RAB3IP: variants seen among roughly 807,000 people sequenced by gnomAD.
RAB3IP encodes RAB3A interacting protein.
In RAB3IP, 36 loss-of-function variants were observed where a neutral mutation model predicts 59.1. The observed-to-expected ratio is 0.61, with a 90% CI of 0.47 to 0.80. The LOEUF is 0.80. RAB3IP is among the 30% of genes least tolerant of loss of function. The pLI is 0.00. For synonymous variants in RAB3IP, 207 were observed against 191.2 expected, an observed-to-expected ratio of 1.08 and a Z score of -0.68; for missense variants, 511 against 536.0, an observed-to-expected ratio of 0.95 and a Z score of 0.46.
intron 8 of RAB3IP, among the ~76,000 whole-genome samples, chr12:69,809,792 T>C (rs1034150962): frequency 3.3e-5 from 5 of 152,182 alleles, no homozygotes; most frequent in African/African-American, 1.2e-4. Context: ...ATTCTAGTTA[T>C]CCATTCGTCT....
At chr12:69,801,860 A>T in intron 8 of RAB3IP, 139 bp downstream of exon 8, 1 of 519,242 alleles carries the variant, frequency 1.9e-6, no homozygotes, top group Non-Finnish European at 3.4e-6. Context: ...GCCTAGCCCA[A>T]AGACAAATTC....
intron 10 of RAB3IP, among the ~76,000 whole-genome samples, chr12:69,815,015 C>T (rs1485797738): frequency 1.3e-5 from 2 of 152,020 alleles, no homozygotes; most frequent in Non-Finnish European, 1.5e-5. Flanking sequence ...CAAGAAGATT[C>T]GTAAGTTAGA....
chr12:69,813,804 TCTTG>T (rs1227525361), intron 10 of RAB3IP, among the ~76,000 whole-genome samples: 1 of 152,182 alleles, frequency 6.6e-6, no homozygotes, highest in Non-Finnish European at 1.5e-5. Flanking sequence ...GAAAATATTA[TCTTG>T]CTTAAACACT....
At chr12:69,773,421 T>TTTA (rs1448050808) in intron 3 of RAB3IP, among the ~76,000 whole-genome samples, 1 of 129,346 alleles carries the variant, frequency 7.7e-6, no homozygotes, top group Non-Finnish European at 1.6e-5. Flanking sequence ...TTTTTTTTTT[T>TTTA]TTATTATACT....
rs182165282 is a variant in RAB3IP, at chr12:69,795,074, C to T, written c.685-67C>T. 8.5e-4 allele frequency: 974 copies of T among 1,143,720 alleles called. 3 individuals are homozygous for T. In the African/African-American group the frequency reaches 0.013, roughly 16 times the overall value. 70.8% of individuals were successfully genotyped at this position (1,143,720 alleles called of 1,614,324 possible). On this transcript the variant is annotated intron_variant, in intron 5 of 10. Transcript: ENST00000247833. Reference sequence around the variant, plus strand: ...CTTTGAAAGTGTTTTGACCAGATTGCTAATATTTAGCTGCATATGTCATGA... The same window carrying T: ...CTTTGAAAGTGTTTTGACCAGATTGTTAATATTTAGCTGCATATGTCATGA...
rs1373293694 is a variant in RAB3IP at position 69,819,365 on chromosome 12, CAG to C, written c.*3921_*3922del. ...AGTTTGGGTATGTGCATAACAGAGACAGAAATTCAGTGTTTGACAGATCAAGT... is the reference window on the plus strand; with the variant it reads ...AGTTTGGGTATGTGCATAACAGAGACAAATTCAGTGTTTGACAGATCAAGT... On this transcript the variant is annotated 3_prime_UTR_variant, in exon 11 of 11. Transcript: ENST00000247833. 6.7e-6 allele frequency: 1 copy of C among 150,338 alleles called. No individual in the cohort carries two copies. The highest frequency in any genetic ancestry group is 1.5e-5 in the Non-Finnish European group (1 of 67,270). 9.3% of individuals were successfully genotyped at this position (150,338 alleles called of 1,614,324 possible). A position where few individuals can be genotyped will look rare whatever the true frequency, so the allele number is the denominator to read the frequency against.
In RAB3IP at chr12:69,818,665, CAG is replaced by C. The variant is rs1881392018; in HGVS notation, c.*3221_*3222del. On this transcript the variant is annotated 3_prime_UTR_variant, in exon 11 of 11. Transcript: ENST00000247833. Reference sequence around the variant, plus strand: ...ACCAGCTACTTGCAGCACAATAACTCAGAATGAAAAAGCAATTCTGAGAAAAC... The same window carrying C: ...ACCAGCTACTTGCAGCACAATAACTCAATGAAAAAGCAATTCTGAGAAAAC... The C allele has an allele frequency of 6.6e-6, 1 of 152,094 alleles. No individual in the cohort carries two copies. The highest frequency in any genetic ancestry group is 1.5e-5 in the Non-Finnish European group (1 of 68,012). 9.4% of individuals were successfully genotyped at this position (152,094 alleles called of 1,614,324 possible).
chr12:69,747,640 C>T (rs1868545108), intron 1 of RAB3IP, among the ~76,000 whole-genome samples: 1 of 152,162 alleles, frequency 6.6e-6, no homozygotes, highest in South Asian at 2.1e-4. Context: ...AGACTTAGAT[C>T]TTCAGGTCAC....
chr12:69,753,982 T>C (rs1869756105), intron 1 of RAB3IP, among the ~76,000 whole-genome samples: 1 of 152,126 alleles, frequency 6.6e-6, no homozygotes, highest in African/African-American at 2.4e-5. Context: ...GGCTGGGCTA[T>C]GATAATTCAA....
At chr12:69,808,188 T>C (rs892649224) in intron 8 of RAB3IP, among the ~76,000 whole-genome samples, 1 of 152,240 alleles carries the variant, frequency 6.6e-6, no homozygotes, top group Non-Finnish European at 1.5e-5. Flanking sequence ...AGTTTCCATG[T>C]AGTTGAGCAG....
intron 1 of RAB3IP, chr12:69,739,973 A>G: frequency 1.8e-6 from 2 of 1,091,410 alleles, no homozygotes; most frequent in East Asian, 2.5e-5. Context: ...CCTGTTATAC[A>G]CTCTCCTGTT....
At chr12:69,786,994 A>C (rs1412889885) in intron 4 of RAB3IP, among the ~76,000 whole-genome samples, 1 of 152,156 alleles carries the variant, frequency 6.6e-6, no homozygotes. Context: ...AAAGCGCTCA[A>C]AGTTTTTATT....
chr12:69,748,170 T>G (rs1332662911), intron 1 of RAB3IP, among the ~76,000 whole-genome samples: 1 of 152,056 alleles, frequency 6.6e-6, no homozygotes, highest in Non-Finnish European at 1.5e-5. Context: ...ATGGATTTTA[T>G]TTTTTCTTTT....
At chr12:69,810,894 T>C (rs544008111) in intron 8 of RAB3IP, among the ~76,000 whole-genome samples, 1 of 152,194 alleles carries the variant, frequency 6.6e-6, no homozygotes, top group Non-Finnish European at 1.5e-5. Flanking sequence ...ATTAATGTAG[T>C]GTAGCATGTT....
At chr12:69,745,573 C>T (rs555061056) in intron 1 of RAB3IP, among the ~76,000 whole-genome samples, 27 of 152,216 alleles carry the variant, frequency 1.8e-4, no homozygotes, top group African/African-American at 5.8e-4. Flanking sequence ...ATTTCAATAG[C>T]AGTGCTTTAG....
At chr12:69,809,702 G>C (rs1302345778) in intron 8 of RAB3IP, among the ~76,000 whole-genome samples, 1 of 152,126 alleles carries the variant, frequency 6.6e-6, no homozygotes, top group African/African-American at 2.4e-5. Context: ...CGGTTACTGA[G>C]GCTTGTGCAT....
chr12:69,771,059 T>C (rs1412999132), intron 3 of RAB3IP, among the ~76,000 whole-genome samples: 1 of 152,230 alleles, frequency 6.6e-6, no homozygotes. Context: ...GCTCTACTTC[T>C]ATGAGATCAA....
chr12:69,822,867 C>T lies in RAB3IP; in HGVS notation c.*7421C>T, dbSNP rs944179517. The T allele has an allele frequency of 5.3e-5, 8 of 152,166 alleles. No homozygotes were observed. The highest frequency in any genetic ancestry group is 1.0e-4 in the Non-Finnish European group (7 of 68,032). The allele number at this position is 152,166 out of a possible 1,614,324, so 9.4% of individuals were successfully genotyped here. ...TTCAGCCTATTTTCCTATCTCCTCT[C>T]GCACCATACTAGGCACACAATCTCT... On this transcript the variant is annotated 3_prime_UTR_variant, in exon 11 of 11. Coordinates refer to ENST00000247833, the MANE Select transcript of RAB3IP (RefSeq NM_022456.5).
At chr12:69,787,752 T>C (rs1272212914) in intron 4 of RAB3IP, among the ~76,000 whole-genome samples, 1 of 151,906 alleles carries the variant, frequency 6.6e-6, no homozygotes, top group Non-Finnish European at 1.5e-5. Flanking sequence ...ATCCTGTACC[T>C]GATCAGTACG....
Sources: gnomAD v4.1 joint callset for allele counts (sites outside exome capture counted in the v4.1 genomes callset) on GRCh38, gnomAD v4.1.1 for gene constraint, MANE v1.5 for transcripts, NCBI Gene and HGNC (gene_info 2026-07-23, HGNC 2026-07-21) for gene names.